Variants in DBR1 observed in about 807,000 individuals in gnomAD.
DBR1 encodes lariat debranching enzyme.
A neutral mutation model predicts 45.9 loss-of-function variants in DBR1; 33 were observed. That is an observed-to-expected ratio of 0.72 (90% confidence interval 0.55 to 0.96). DBR1 has a LOEUF of 0.96. Ranked by LOEUF, DBR1 falls within the 40% of genes least tolerant of loss-of-function variation. The pLI is 0.00. For synonymous variants in DBR1, 235 were observed against 235.9 expected (o/e 1.00, Z 0.04); for missense variants, 619 against 667.4 (o/e 0.93, Z 0.80).
At chr3:138,168,822 G>A (rs1401879851) in intron 4 of DBR1, among the ~76,000 whole-genome samples, 2 of 152,144 alleles carry the variant, frequency 1.3e-5, no homozygotes, top group African/African-American at 4.8e-5. Flanking sequence ...GCTGGGCGAG[G>A]TGATGCATGC....
Position 138,174,877 on chromosome 3 carries a change from G to A in DBR1, c.-82C>T. The A allele has an allele frequency of 3.6e-6, 5 of 1,382,914 alleles. No homozygotes were observed. The highest frequency in any genetic ancestry group is 1.3e-5 in the South Asian group (1 of 76,610). The allele number at this position is 1,382,914 out of a possible 1,614,324, so 85.7% of individuals were successfully genotyped here. The stretch of plus-strand genomic sequence containing the variant: ...AGGACCGACTGATCGCTCAGCTCCC[G>A]CCAACTTTAATAAGTATAGCCACCG... On this transcript the variant is annotated 5_prime_UTR_variant, in exon 1 of 8. Coordinates refer to ENST00000260803, the MANE Select transcript of DBR1 (RefSeq NM_016216.4).
At chr3:138,174,557 C>A in intron 1 of DBR1, 42 bp downstream of exon 1, 1 of 1,429,924 alleles carries the variant, frequency 7.0e-7, no homozygotes, top group Non-Finnish European at 9.7e-7. Flanking sequence ...GAACCCAGTC[C>A]CACCCCCCCA....
chr3:138,165,087 C>T (rs960712589), intron 5 of DBR1, among the ~76,000 whole-genome samples: 1 of 152,062 alleles, frequency 6.6e-6, no homozygotes, highest in Non-Finnish European at 1.5e-5. Context: ...CCCAGCATCT[C>T]TAGTTAAAAC....
At position 138,169,322 on chromosome 3, in the gene DBR1, A is replaced by G. The variant is rs185500003; in HGVS notation, c.489+785T>C. ...ACCAAGTGTGAAGTCTGTTTAGCCCAGTGTCAGCCATGTAATGGGTTCTCA... is the reference window on the plus strand; with the variant it reads ...ACCAAGTGTGAAGTCTGTTTAGCCCGGTGTCAGCCATGTAATGGGTTCTCA... On this transcript the variant is annotated intron_variant, in intron 4 of 7. Coordinates refer to ENST00000260803, the MANE Select transcript of DBR1 (RefSeq NM_016216.4). Among the ~76,000 whole-genome samples, 14 of 152,294 alleles carry G rather than the reference A, an allele frequency of 9.2e-5. No individual in the cohort carries two copies. The East Asian group carries it at 2.7e-3, about 29-fold the overall frequency.
chr3:138,173,676 G>T, intron 1 of DBR1, 50 bp from the exon 2 acceptor site: 1 of 1,500,948 alleles, frequency 6.7e-7, no homozygotes, highest in Non-Finnish European at 8.9e-7. Flanking sequence ...TAGCAGAAAA[G>T]CAAATAAGTT....
Position 138,174,624 on chromosome 3 carries a change from A to G in DBR1, c.172T>C (p.Tyr58His), listed in dbSNP as rs763171190. ...DLRCMAVPPK[Y>H]RHMQTFYRYY... is the part of the protein sequence containing the mutation. ...CTGTAGAAGGTTTGCATGTGACGAT[A>G]CTTGGGCGGCACGGCCATGCAGCGT... Residue 58 changes from tyrosine (Y) to histidine (H), a missense_variant, in exon 1 of 8, where the codon TAT becomes CAT. Tyr to His is a moderately conservative substitution (Grantham distance 83, BLOSUM62 2). Coordinates refer to ENST00000260803, the MANE Select transcript of DBR1 (RefSeq NM_016216.4). The G allele has an allele frequency of 2.5e-6, 4 of 1,606,724 alleles. No homozygotes were observed. In the East Asian group the frequency reaches 9.0e-5, roughly 36 times the overall value.
Position 138,170,142 on chromosome 3 carries a change from G to T in DBR1, c.454C>A (p.His152Asn). The stretch of plus-strand genomic sequence containing the variant: ...TTATAGACTTCAATATTTCTCACAT[G>T]ATATATACTCCTGATTGTAGATGAA... Reference protein sequence around the residue: ...YNSSTIRSIYHVRNIEVYKLK... With the variant: ...YNSSTIRSIYNVRNIEVYKLK... The change falls in exon 4 of 8, where the codon CAT (histidine) becomes AAT (asparagine). Residue 152 changes from histidine to asparagine, a missense_variant. Physicochemically the swap from His to Asn is moderately conservative, Grantham distance 68. Coordinates refer to ENST00000260803, the MANE Select transcript of DBR1 (RefSeq NM_016216.4). 1 of 1,600,472 alleles carries T rather than the reference G, an allele frequency of 6.2e-7. No homozygotes were observed. Among genetic ancestry groups the T allele is most frequent in the Non-Finnish European group, 8.5e-7 (1 of 1,171,104 alleles).
chr3:138,173,812 G>A (rs183725541), intron 1 of DBR1, among the ~76,000 whole-genome samples, 186 bp from the exon 2 acceptor site: 3 of 152,094 alleles, frequency 2.0e-5, no homozygotes, highest in African/African-American at 4.8e-5. Flanking sequence ...CGACACAGGC[G>A]GATCCCCTGA....
At chr3:138,167,391 A>G (rs1213087891) in intron 4 of DBR1, 86 bp from the exon 5 acceptor site, 3 of 869,324 alleles carry the variant, frequency 3.5e-6, no homozygotes, top group Non-Finnish European at 5.3e-6. Flanking sequence ...ACCACCATAC[A>G]ACCATTCACC....
At position 138,167,069 on chromosome 3, in the gene DBR1, TTTG is replaced by T. The variant is rs1471690350; in HGVS notation, c.714+9_714+11del. 1 of 1,610,882 alleles carries T rather than the reference TTTG, an allele frequency of 6.2e-7. No homozygotes were observed. Among genetic ancestry groups the T allele is most frequent in the Non-Finnish European group, 8.5e-7 (1 of 1,177,102 alleles). ...GTGTGTTAAATGAAAGAATAAACAT[TTTG>T]TTTTCTACCTGATGCTGCATCAAGG... On this transcript the variant is annotated intron_variant, in intron 5 of 7. Coordinates refer to ENST00000260803, the MANE Select transcript of DBR1 (RefSeq NM_016216.4).
At chr3:138,165,985 T>G (rs1343873143) in intron 5 of DBR1, among the ~76,000 whole-genome samples, 1 of 152,228 alleles carries the variant, frequency 6.6e-6, no homozygotes, top group Non-Finnish European at 1.5e-5. Flanking sequence ...CGTATAGGTA[T>G]ATTTTCAGAC....
intron 1 of DBR1, 72 bp from the exon 2 acceptor site, chr3:138,173,698 A>C: frequency 6.7e-7 from 1 of 1,483,614 alleles, no homozygotes; most frequent in Non-Finnish European, 9.0e-7. Context: ...CGAAAAAAAA[A>C]AAGAAACTGA....
rs1354994159 is a variant in DBR1 at position 138,167,149 on chromosome 3, G to GCT, written c.644_645dup (p.His216SerfsTer15). 14 of 1,614,176 alleles carry GCT rather than the reference G, an allele frequency of 8.7e-6. No individual in the cohort carries two copies. Among genetic ancestry groups the GCT allele is most frequent in the African/African-American group, 2.7e-5 (2 of 75,050 alleles). On this transcript the variant is annotated frameshift_variant, in exon 5 of 8. Transcript: ENST00000260803. LOFTEE classifies it high-confidence loss of function. ...GAAAACCAATAAGTAGGTTTGAGAT[G>GCT]CTCTAAAAGCTCTGAGGCAGCTGGA...
At chr3:138,172,866 G>C (rs2107906542) in intron 2 of DBR1, among the ~76,000 whole-genome samples, 1 of 152,188 alleles carries the variant, frequency 6.6e-6, no homozygotes, top group South Asian at 2.1e-4. Flanking sequence ...CCTTGTCTGG[G>C]TCCTATTTAA....
chr3:138,173,738 C>G, intron 1 of DBR1, 112 bp from the exon 2 acceptor site: 1 of 1,278,182 alleles, frequency 7.8e-7, no homozygotes, highest in Non-Finnish European at 1.1e-6. Context: ...AAAGCTCTTT[C>G]AAAAGGAATT....
chr3:138,169,646 A>T (rs892863063), intron 4 of DBR1, among the ~76,000 whole-genome samples: 1 of 152,104 alleles, frequency 6.6e-6, no homozygotes, highest in Non-Finnish European at 1.5e-5. Context: ...AGTAAAAAAA[A>T]TTTTGCCGGG....
At position 138,171,731 on chromosome 3, in the gene DBR1, A is replaced by G; in HGVS notation, c.323-18T>C. 7 of 1,582,962 alleles carry G rather than the reference A, an allele frequency of 4.4e-6. No homozygotes were observed. Among genetic ancestry groups the G allele is most frequent in the Non-Finnish European group, 6.1e-6 (7 of 1,152,046 alleles). ...AGCCAAACCTAAACAATACAGTTAA[A>G]TAAAATTACTGTAGGCAAAAGGAAT... On this transcript the variant is annotated intron_variant, in intron 2 of 7. Coordinates refer to ENST00000260803, the MANE Select transcript of DBR1 (RefSeq NM_016216.4).
intron 7 of DBR1, among the ~76,000 whole-genome samples, 157 bp from the exon 8 acceptor site, chr3:138,162,739 GAAAAAAAAATAATTC>G (rs1307843123): frequency 1.3e-5 from 2 of 150,598 alleles, no homozygotes; most frequent in Non-Finnish European, 3.0e-5. Context: ...GGACCATTTA[GAAAAAAAAATAATTC>G]TTAGAAAAAG....
chr3:138,163,896 AAAC>A (rs755063993), intron 5 of DBR1, 38 bp from the exon 6 acceptor site: 18 of 1,450,104 alleles, frequency 1.2e-5, no homozygotes, highest in Non-Finnish European at 1.6e-5. Context: ...AAGAATGTTA[AAAC>A]AACCACAGGT....
Sources: gnomAD v4.1 joint callset for allele counts (sites outside exome capture counted in the v4.1 genomes callset) on GRCh38, gnomAD v4.1.1 for gene constraint, MANE v1.5 for transcripts, NCBI Gene and HGNC (gene_info 2026-07-23, HGNC 2026-07-21) for gene names.